Variants in RORA observed in about 807,000 individuals in gnomAD.
RORA encodes nuclear receptor ROR-alpha.
A neutral mutation model predicts 69.5 loss-of-function variants in RORA; 7 were observed. The ratio of observed to expected loss-of-function variants is 0.10; its 90% confidence interval spans 0.06 to 0.19. RORA has a LOEUF of 0.19. Among genes scored for constraint, RORA ranks in the 10% least tolerant of loss-of-function variants. The probability of loss-of-function intolerance (pLI) is 1.00; values close to 1 mark genes in which losing one functional copy is unlikely to be tolerated. For missense variants in RORA, 457 were observed against 663.0 expected, an observed-to-expected ratio of 0.69 and a Z score of 3.41; for synonymous variants, 261 against 240.8, an observed-to-expected ratio of 1.08 and a Z score of -0.78.
At chr15:60,657,358 G>C (rs2070237031) in intron 2 of RORA, among the ~76,000 whole-genome samples, 1 of 152,068 alleles carries the variant, frequency 6.6e-6, no homozygotes, top group African/African-American at 2.4e-5. Flanking sequence ...GGGGAAGCAG[G>C]CCCTCTCCAT....
rs747498820 is a variant in RORA at position 60,500,019 on chromosome 15, A to G, written c.1295-15T>C. On this transcript the variant is annotated splice_polypyrimidine_tract_variant and intron_variant, in intron 9 of 10. Coordinates refer to ENST00000335670, the MANE Select transcript of RORA (RefSeq NM_134261.3). ...CCATGAGCGATCTAAGCATAAAAAA[A>G]TGATATTCTTTAGCATTCCTCTGAC... The G allele has an allele frequency of 3.9e-6, 6 of 1,523,566 alleles. No homozygotes were observed. The highest frequency in any genetic ancestry group is 1.4e-5 in the African/African-American group (1 of 72,608). The allele number at this position is 1,523,566 out of a possible 1,614,324, so 94.4% of individuals were successfully genotyped here.
intron 1 of RORA, among the ~76,000 whole-genome samples, chr15:60,752,053 G>A (rs1166833580): frequency 6.6e-6 from 1 of 151,938 alleles, no homozygotes; most frequent in Non-Finnish European, 1.5e-5. Context: ...GGTGGAGAAG[G>A]ATCATCCGAG....
At chr15:61,101,460 T>C (rs2078878765) in intron 1 of RORA, among the ~76,000 whole-genome samples, 1 of 151,872 alleles carries the variant, frequency 6.6e-6, no homozygotes, top group Non-Finnish European at 1.5e-5. Context: ...GGCCCCGAGG[T>C]AGGGAAGAGC....
chr15:61,037,242 G>T (rs573993240), intron 1 of RORA, among the ~76,000 whole-genome samples: 1 of 152,178 alleles, frequency 6.6e-6, no homozygotes, highest in African/African-American at 2.4e-5. Flanking sequence ...CATGAAAAAT[G>T]TTAGCCACTA....
chr15:60,558,535 T>C, intron 2 of RORA: 1 of 422,484 alleles, frequency 2.4e-6, no homozygotes, highest in Non-Finnish European at 4.2e-6. Flanking sequence ...ATGTTTGATG[T>C]TTCTTTGAAT....
intron 1 of RORA, among the ~76,000 whole-genome samples, chr15:60,802,171 T>G (rs1195392172): frequency 6.6e-6 from 1 of 152,170 alleles, no homozygotes; most frequent in Non-Finnish European, 1.5e-5. Flanking sequence ...ACAGACCCAA[T>G]TCTGCACCTG....
At chr15:60,919,596 G>A (rs947301129) in intron 1 of RORA, among the ~76,000 whole-genome samples, 11 of 152,124 alleles carry the variant, frequency 7.2e-5, no homozygotes, top group African/African-American at 2.7e-4. Flanking sequence ...CCTATACAAA[G>A]ACTCCTGTAT....
chr15:60,964,143 T>C (rs1461623684), intron 1 of RORA, among the ~76,000 whole-genome samples: 2 of 152,210 alleles, frequency 1.3e-5, no homozygotes, highest in Non-Finnish European at 1.5e-5. Flanking sequence ...GTAAGTGGTA[T>C]AGTCTGGTTT....
At chr15:60,929,692 C>A (rs1892319889) in intron 1 of RORA, among the ~76,000 whole-genome samples, 1 of 152,276 alleles carries the variant, frequency 6.6e-6, no homozygotes, top group South Asian at 2.1e-4. Flanking sequence ...CCAGAATCGC[C>A]ATATCAGGAG....
rs558174800 is a variant in RORA at position 60,971,707 on chromosome 15, T to C, written c.166+257346A>G. ...TCTGCAAACCTCTTAAAAGCTCTTT[T>C]ACAGACATGAATGGTGGATGAAAGA... is the stretch of plus-strand genomic sequence containing the variant. On this transcript the variant is annotated intron_variant, in intron 1 of 10. Transcript: ENST00000335670. 7.9e-4 allele frequency among the ~76,000 whole-genome samples: 120 copies of C among 152,372 alleles called. 1 individual carries two copies. The highest frequency in any genetic ancestry group is 2.6e-3 in the African/African-American group (110 of 41,590).
intron 1 of RORA, among the ~76,000 whole-genome samples, chr15:61,228,815 C>T (rs2080172960): frequency 6.6e-6 from 1 of 151,760 alleles, no homozygotes. Flanking sequence ...GGCTGTCAAC[C>T]TTCCCGCCGC....
intron 1 of RORA, among the ~76,000 whole-genome samples, chr15:60,680,023 T>G (rs1238032436): frequency 6.6e-6 from 1 of 152,214 alleles, no homozygotes; most frequent in African/African-American, 2.4e-5. Context: ...CTGTCTCACA[T>G]GAAAACTACA....
At chr15:61,073,240 T>C (rs894879426) in intron 1 of RORA, among the ~76,000 whole-genome samples, 4 of 152,216 alleles carry the variant, frequency 2.6e-5, no homozygotes, top group African/African-American at 9.7e-5. Flanking sequence ...TTTTGTTAGA[T>C]TGTGAGGCAA....
At chr15:61,054,826 G>T (rs1030796138) in intron 1 of RORA, among the ~76,000 whole-genome samples, 102 of 134,646 alleles carry the variant, frequency 7.6e-4, no homozygotes, top group East Asian at 1.7e-3. Flanking sequence ...TTTGTTTTTT[G>T]TTTTTTTTTT....
intron 1 of RORA, among the ~76,000 whole-genome samples, chr15:60,824,835 A>G (rs1432333191): frequency 1.3e-5 from 2 of 152,220 alleles, no homozygotes; most frequent in South Asian, 4.1e-4. Context: ...TATCCAAAAG[A>G]CCACCTAAAA....
chr15:60,983,365 T>C lies in RORA; in HGVS notation c.166+245688A>G, dbSNP rs138951860. Among the ~76,000 whole-genome samples, 9 of 152,354 alleles carry C rather than the reference T, an allele frequency of 5.9e-5. No homozygotes were observed. In the East Asian group the frequency reaches 1.5e-3, roughly 26 times the overall value. On this transcript the variant is annotated intron_variant, in intron 1 of 10. Coordinates refer to ENST00000335670, the MANE Select transcript of RORA (RefSeq NM_134261.3). ...AGGTGCTGAAAGTATCAAAGTGTTT[T>C]ACCCCAAAATATATTTCTTTGTCAC... is the stretch of plus-strand genomic sequence containing the variant.
chr15:60,687,187 C>T (rs1255607333), intron 1 of RORA, among the ~76,000 whole-genome samples: 2 of 152,054 alleles, frequency 1.3e-5, no homozygotes, highest in African/African-American at 4.8e-5. Flanking sequence ...GGCCCACTCT[C>T]AGATAAGATG....
At chr15:60,887,638 C>G (rs572145299) in intron 1 of RORA, among the ~76,000 whole-genome samples, 12 of 152,300 alleles carry the variant, frequency 7.9e-5, no homozygotes, top group African/African-American at 2.9e-4. Flanking sequence ...TTGTGGTTAT[C>G]TGGCATTTGG....
intron 1 of RORA, among the ~76,000 whole-genome samples, chr15:60,953,758 G>A (rs1027495004): frequency 6.6e-6 from 1 of 151,950 alleles, no homozygotes; most frequent in Non-Finnish European, 1.5e-5. Flanking sequence ...TCTCACACCA[G>A]TTAGAATGGC....
Sources: gnomAD v4.1 joint callset for allele counts (sites outside exome capture counted in the v4.1 genomes callset) on GRCh38, gnomAD v4.1.1 for gene constraint, MANE v1.5 for transcripts, NCBI Gene and HGNC (gene_info 2026-07-23, HGNC 2026-07-21) for gene names.